Variants in ADCY2 observed in about 807,000 individuals in gnomAD.
The protein encoded by ADCY2 is adenylate cyclase type 2.
A neutral mutation model predicts 125.2 loss-of-function variants in ADCY2; 31 were observed. The observed-to-expected ratio is 0.25, with a 90% CI of 0.19 to 0.33. ADCY2 has a LOEUF of 0.33. Among genes scored for constraint, ADCY2 ranks in the 10% least tolerant of loss-of-function variants. The probability of loss-of-function intolerance (pLI) is 1.00; values close to 1 mark genes in which losing one functional copy is unlikely to be tolerated. For missense variants in ADCY2, 904 were observed against 1,418.2 expected, an observed-to-expected ratio of 0.64 and a Z score of 5.82; for synonymous variants, 512 against 548.4, an observed-to-expected ratio of 0.93 and a Z score of 0.93.
intron 4 of ADCY2, among the ~76,000 whole-genome samples, chr5:7,656,618 G>T (rs1739337325): frequency 6.6e-6 from 1 of 152,208 alleles, no homozygotes; most frequent in African/African-American, 2.4e-5. Context: ...GCAGCCAGTT[G>T]TCCCATCCCC....
chr5:7,689,739 G>C (rs1207134383), intron 4 of ADCY2, among the ~76,000 whole-genome samples: 1 of 152,122 alleles, frequency 6.6e-6, no homozygotes, highest in African/African-American at 2.4e-5. Flanking sequence ...GAGAAAGACA[G>C]ACAATGTGAT....
intron 11 of ADCY2, among the ~76,000 whole-genome samples, chr5:7,714,301 A>G (rs1193718130): frequency 6.6e-6 from 1 of 152,214 alleles, no homozygotes; most frequent in Non-Finnish European, 1.5e-5. Context: ...CTCTTCTGTT[A>G]TCTGTCTCTT....
intron 4 of ADCY2, among the ~76,000 whole-genome samples, chr5:7,688,622 C>T (rs1740609095): frequency 6.6e-6 from 1 of 152,092 alleles, no homozygotes; most frequent in African/African-American, 2.4e-5. Context: ...CAGCTTTCCT[C>T]TATTGGTATG....
At position 7,448,414 on chromosome 5, in the gene ADCY2, T is replaced by C. The variant is rs145734949; in HGVS notation, c.408+33644T>C. ...CTGTGTAGCAGATGGCTCTGACTTA[T>C]TTTATGTAAGGCCTGTAACAGCTGT... On this transcript the variant is annotated intron_variant, in intron 2 of 24. Transcript: ENST00000338316. Among the ~76,000 whole-genome samples the C allele has an allele frequency of 2.0e-3, 301 of 152,260 alleles. 3 individuals are homozygous for C. Among genetic ancestry groups the C allele is most frequent in the African/African-American group, 6.7e-3 (279 of 41,532 alleles).
At chr5:7,754,145 C>T (rs1579393552) in intron 15 of ADCY2, among the ~76,000 whole-genome samples, 1 of 152,110 alleles carries the variant, frequency 6.6e-6, no homozygotes, top group East Asian at 1.9e-4. Flanking sequence ...TGGCATGTCA[C>T]ACGAACAGAA....
intron 2 of ADCY2, among the ~76,000 whole-genome samples, chr5:7,472,385 T>C (rs1482703643): frequency 6.6e-6 from 1 of 152,158 alleles, no homozygotes; most frequent in Non-Finnish European, 1.5e-5. Flanking sequence ...TTCTTATGGC[T>C]CCTGAAATTA....
intron 9 of ADCY2, chr5:7,708,146 G>A: frequency 4.5e-6 from 1 of 223,320 alleles, no homozygotes; most frequent in Non-Finnish European, 8.7e-6. Flanking sequence ...CTCCCAGTGG[G>A]CACAGCTGTT....
intron 1 of ADCY2, among the ~76,000 whole-genome samples, chr5:7,399,209 A>T (rs1358145911): frequency 1.3e-5 from 2 of 152,140 alleles, no homozygotes; most frequent in Non-Finnish European, 2.9e-5. Context: ...CCTGATTTTG[A>T]TTTCCATTAG....
At chr5:7,632,991 C>G (rs1738370106) in intron 4 of ADCY2, among the ~76,000 whole-genome samples, 1 of 152,070 alleles carries the variant, frequency 6.6e-6, no homozygotes, top group Non-Finnish European at 1.5e-5. Flanking sequence ...TCAACAGTTA[C>G]AGATCCAAGA....
At chr5:7,465,238 T>C (rs915068243) in intron 2 of ADCY2, among the ~76,000 whole-genome samples, 9 of 152,234 alleles carry the variant, frequency 5.9e-5, no homozygotes, top group African/African-American at 2.2e-4. Flanking sequence ...TTCTTTCATA[T>C]GGTCTCCTTC....
chr5:7,526,349 T>C (rs1202513952), intron 3 of ADCY2, among the ~76,000 whole-genome samples: 1 of 152,156 alleles, frequency 6.6e-6, no homozygotes, highest in African/African-American at 2.4e-5. Flanking sequence ...GTAAAATTGG[T>C]TCACAAGTAC....
chr5:7,582,623 GAGAA>G (rs1736472504), intron 3 of ADCY2, among the ~76,000 whole-genome samples: 1 of 152,024 alleles, frequency 6.6e-6, no homozygotes, highest in Non-Finnish European at 1.5e-5. Context: ...CAGAACAAAG[GAGAA>G]ACTCTATGTG....
chr5:7,397,446 T>G (rs940217852), intron 1 of ADCY2, among the ~76,000 whole-genome samples: 2 of 36,166 alleles, frequency 5.5e-5, no homozygotes, highest in Non-Finnish European at 1.1e-4. Context: ...CACCAGTGAG[T>G]TTTTTTTTTT....
At chr5:7,779,676 C>T (rs1428063223) in intron 18 of ADCY2, among the ~76,000 whole-genome samples, 2 of 152,166 alleles carry the variant, frequency 1.3e-5, no homozygotes, top group Non-Finnish European at 2.9e-5. Context: ...GGTTCTGCTG[C>T]AGCACTGGCA....
chr5:7,735,525 T>G (rs1412881638), intron 14 of ADCY2, among the ~76,000 whole-genome samples: 1 of 152,204 alleles, frequency 6.6e-6, no homozygotes, highest in Non-Finnish European at 1.5e-5. Flanking sequence ...TTGAGTTTTT[T>G]CATTGTGAAA....
intron 3 of ADCY2, among the ~76,000 whole-genome samples, chr5:7,563,555 C>A (rs554758649): frequency 6.6e-6 from 1 of 152,082 alleles, no homozygotes; most frequent in Non-Finnish European, 1.5e-5. Context: ...CATAGCAGTC[C>A]TAATCATGAA....
At chr5:7,644,984 T>C (rs1200614686) in intron 4 of ADCY2, among the ~76,000 whole-genome samples, 1 of 152,142 alleles carries the variant, frequency 6.6e-6, no homozygotes, top group East Asian at 1.9e-4. Context: ...GAATCATTTG[T>C]TGAGAGGGAC....
At position 7,757,333 on chromosome 5, in the gene ADCY2, A is replaced by G. The variant is rs957902937; in HGVS notation, c.1957-116A>G. The G allele has an allele frequency of 6.8e-6, 9 of 1,319,204 alleles. No homozygotes were observed. The African/African-American group carries it at 1.0e-4, about 15-fold the overall frequency. 81.7% of individuals were successfully genotyped at this position (1,319,204 alleles called of 1,614,324 possible). A position where few individuals can be genotyped will look rare whatever the true frequency, so the allele number is the denominator to read the frequency against. On this transcript the variant is annotated intron_variant, in intron 15 of 24. Transcript: ENST00000338316. The stretch of plus-strand genomic sequence containing the variant: ...GTCCCCAGGGGAGGATAGAATCTAC[A>G]TGTTTAGTCTATGAACAATGTTGGT...
chr5:7,665,605 G>A lies in ADCY2; in HGVS notation c.721-25086G>A, dbSNP rs547423092. Among the ~76,000 whole-genome samples, 11 of 151,892 alleles carry A rather than the reference G, an allele frequency of 7.2e-5. 1 individual carries two copies. In the South Asian group the frequency reaches 1.5e-3, roughly 20 times the overall value. On this transcript the variant is annotated intron_variant, in intron 4 of 24. Transcript: ENST00000338316. ...AAGTGGAGCTTTGGGACTCCTTGTC[G>A]TGACGAGGTCACACCTGGACATGGA...
Sources: gnomAD v4.1 joint callset for allele counts (sites outside exome capture counted in the v4.1 genomes callset) on GRCh38, gnomAD v4.1.1 for gene constraint, MANE v1.5 for transcripts, NCBI Gene and HGNC (gene_info 2026-07-23, HGNC 2026-07-21) for gene names.